LRP1: variants seen among roughly 807,000 people sequenced by gnomAD.
LRP1 encodes the protein LDL receptor related protein 1.
Under a neutral mutation model 541.5 loss-of-function variants are expected in LRP1, and 51 were observed. The observed-to-expected ratio is 0.09, with a 90% confidence interval of 0.08 to 0.12. LRP1 has a LOEUF of 0.12. LRP1 is among the 10% of genes least tolerant of loss of function. The pLI is 1.00. For missense variants in LRP1, 3,878 were observed against 6,376.2 expected, an observed-to-expected ratio of 0.61 and a Z score of 13.34; for synonymous variants, 2,219 against 2,470.8, an observed-to-expected ratio of 0.90 and a Z score of 3.02.
In LRP1 at chr12:57,173,829, G is replaced by A. The variant is rs1005759573; in HGVS notation, c.3396G>A (p.Glu1132=). The part of the protein sequence containing the change: ...AWVCDGDNDC[E]DNSDEENCES... ...TGTGTGATGGCGACAATGACTGTGA[G>A]GATAACTCGGACGAGGAGAACTGCG... The change falls in exon 22 of 89, where the codon GAG becomes GAA. Residue 1132 remains glutamate (E), a synonymous_variant. Coordinates refer to ENST00000243077, the MANE Select transcript of LRP1 (RefSeq NM_002332.3). This position sits in a 1 kb window ranked among gnomAD's most constrained non-coding sequence, Gnocchi z 4.7. 4.3e-6 allele frequency: 7 copies of A among 1,614,114 alleles called. No individual in the cohort carries two copies. Among genetic ancestry groups the A allele is most frequent in the Non-Finnish European group, 3.4e-6 (4 of 1,180,052 alleles).
chr12:57,207,224 G>C (rs914942874), intron 76 of LRP1, among the ~76,000 whole-genome samples: 1 of 151,000 alleles, frequency 6.6e-6, no homozygotes, highest in Non-Finnish European at 1.5e-5. Flanking sequence ...GCCTGGGCGA[G>C]AGAGTGAGAC....
chr12:57,203,050 C>A, intron 68 of LRP1, 131 bp from the exon 69 acceptor site: 1 of 685,078 alleles, frequency 1.5e-6, no homozygotes, highest in Non-Finnish European at 2.4e-6. Flanking sequence ...AGGACTGGCT[C>A]GGCCTCTGGG....
chr12:57,195,368 T>A lies in LRP1; in HGVS notation c.8406T>A (p.Asp2802Glu). The A allele has an allele frequency of 6.2e-7, 1 of 1,610,306 alleles. No individual in the cohort carries two copies. Among genetic ancestry groups the A allele is most frequent in the South Asian group, 1.1e-5 (1 of 91,086 alleles). Residue 2802 changes from aspartate (D) to glutamate (E), a missense_variant, in exon 52 of 89, where the codon GAT becomes GAA. Transcript: ENST00000243077. ...GTGACGGTGACAAAGACTGTGCTGATGGTGCAGACGAGAGCATCGCAGCTG... is the reference window on the plus strand; with the variant it reads ...GTGACGGTGACAAAGACTGTGCTGAAGGTGCAGACGAGAGCATCGCAGCTG... Reference protein sequence around the residue: ...WLCDGDKDCADGADESIAAGC... With the variant: ...WLCDGDKDCAEGADESIAAGC...
At chr12:57,149,109 TC>T in intron 6 of LRP1, 1 of 510,938 alleles carries the variant, frequency 2.0e-6, no homozygotes. Flanking sequence ...GGGTGCTACC[TC>T]CCCACTGTGC....
rs2035896680 is a variant in LRP1, at chr12:57,169,186, C to T, written c.3042C>T (p.Ser1014=). Residue 1014 remains serine (S), a synonymous_variant, in exon 20 of 89, where the codon TCC becomes TCT. Transcript: ENST00000243077. ...DNSDEAGCSH[S]CSSTQFKCNS... is the part of the protein sequence containing the mutation. ...GTGACGAAGCCGGCTGCAGCCACTC[C>T]TGTTCTAGCACCCAGTTCAAGTGCA... is the stretch of plus-strand genomic sequence containing the variant. The T allele has an allele frequency of 6.2e-7, 1 of 1,613,860 alleles. No homozygotes were observed. The highest frequency in any genetic ancestry group is 8.5e-7 in the Non-Finnish European group (1 of 1,179,812).
chr12:57,163,692 T>A (rs943069574), intron 15 of LRP1, among the ~76,000 whole-genome samples: 2 of 152,154 alleles, frequency 1.3e-5, no homozygotes, highest in Non-Finnish European at 2.9e-5. Context: ...AGCATTGTGG[T>A]AAAGTGAACA....
rs2035659017 is a variant in LRP1, at chr12:57,158,218, G to A, written c.1562-184G>A. Among the ~76,000 whole-genome samples, 1 of 152,162 alleles carries A rather than the reference G, an allele frequency of 6.6e-6. No homozygotes were observed. The highest frequency in any genetic ancestry group is 1.5e-5 in the Non-Finnish European group (1 of 68,022). On this transcript the variant is annotated intron_variant, in intron 10 of 88. Transcript: ENST00000243077. This position sits in a 1 kb window ranked among gnomAD's most constrained non-coding sequence, Gnocchi z 5.3. ...CAGAGGTCAGACCCCAGGGTATTGC[G>A]GCCAGGACCCATCGTCCTGTATGTT... is the stretch of plus-strand genomic sequence containing the variant.
chr12:57,167,822 C>A (rs897376836), intron 19 of LRP1, among the ~76,000 whole-genome samples: 1 of 152,206 alleles, frequency 6.6e-6, no homozygotes, highest in Non-Finnish European at 1.5e-5. Flanking sequence ...GCCAGAGAGG[C>A]AGAGCAAGGA....
chr12:57,140,190 A>G (rs2035259605), intron 2 of LRP1, among the ~76,000 whole-genome samples: 1 of 151,852 alleles, frequency 6.6e-6, no homozygotes, highest in Non-Finnish European at 1.5e-5. Flanking sequence ...TCCTCCTGAC[A>G]CAGCTTCCCA....
chr12:57,210,098 C>T lies in LRP1; in HGVS notation c.12509C>T (p.Thr4170Ile). Reference protein sequence around the residue: ...CLLSPSGPVCTCPNGKRLDNG... With the variant: ...CLLSPSGPVCICPNGKRLDNG... Reference sequence around the variant, plus strand: ...CTGAGCCCCAGTGGGCCTGTCTGCACCTGTCCCAATGGGAAGCGGCTGGAC... The same window carrying T: ...CTGAGCCCCAGTGGGCCTGTCTGCATCTGTCCCAATGGGAAGCGGCTGGAC... The change falls in exon 81 of 89, where the codon ACC becomes ATC. Residue 4170 changes from threonine to isoleucine, a missense_variant. Thr to Ile is a moderately conservative substitution (Grantham distance 89, BLOSUM62 -1). Around this residue, in one of 13 missense-constraint regions of LRP1, gnomAD observed 871 missense variants for 1,212.4 expected, o/e 0.72. Coordinates refer to ENST00000243077, the MANE Select transcript of LRP1 (RefSeq NM_002332.3). 3 of 1,613,756 alleles carry T rather than the reference C, an allele frequency of 1.9e-6. No homozygotes were observed. Among genetic ancestry groups the T allele is most frequent in the Non-Finnish European group, 2.5e-6 (3 of 1,179,856 alleles).
At chr12:57,182,976 G>A (rs1342062023) in intron 34 of LRP1, among the ~76,000 whole-genome samples, 1 of 152,232 alleles carries the variant, frequency 6.6e-6, no homozygotes, top group Non-Finnish European at 1.5e-5. Flanking sequence ...GAGGAAACTA[G>A]GATCAGGCTG....
chr12:57,184,170 G>A lies in LRP1; in HGVS notation c.6015G>A (p.Gln2005=). The change falls in exon 37 of 89, where the codon CAG becomes CAA. Residue 2005 remains glutamine (Q), a synonymous_variant. Transcript: ENST00000243077. This position sits in a 1 kb window ranked among gnomAD's most constrained non-coding sequence, Gnocchi z 7.8. ...CCTTCCGCTACGTGGTGATCTCCCA[G>A]GGTCTAGACAAGCCCCGGGCCATCA... is the stretch of plus-strand genomic sequence containing the variant. ...NGSFRYVVIS[Q]GLDKPRAITV... is the part of the protein sequence containing the mutation. 1 of 1,614,178 alleles carries A rather than the reference G, an allele frequency of 6.2e-7. No individual in the cohort carries two copies. The highest frequency in any genetic ancestry group is 1.3e-5 in the African/African-American group (1 of 75,048).
At chr12:57,193,814 T>C in intron 47 of LRP1, 85 bp from the exon 48 acceptor site, 1 of 1,592,156 alleles carries the variant, frequency 6.3e-7, no homozygotes, top group Non-Finnish European at 8.6e-7. Context: ...GGGCAGGTGC[T>C]GTGGGCCAGG....
chr12:57,156,852 G>A lies in LRP1; in HGVS notation c.1493G>A (p.Ser498Asn), dbSNP rs1268453843. 1 of 1,602,044 alleles carries A rather than the reference G, an allele frequency of 6.2e-7. No homozygotes were observed. The highest frequency in any genetic ancestry group is 8.5e-7 in the Non-Finnish European group (1 of 1,177,218). Reference sequence around the variant, plus strand: ...TCTGACATCTGCCTGCTGGCCAACAGCCACAAGGCGCGGACCTGCCGCTGC... The same window carrying A: ...TCTGACATCTGCCTGCTGGCCAACAACCACAAGGCGCGGACCTGCCGCTGC... ...GCSDICLLANSHKARTCRCRS... is the reference protein window; with the variant it reads ...GCSDICLLANNHKARTCRCRS... The change falls in exon 10 of 89, where the codon AGC (serine) becomes AAC (asparagine). Residue 498 changes from serine (S) to asparagine (N), a missense_variant. Ser to Asn is a conservative substitution (Grantham distance 46). This residue lies in a region of LRP1 where 496 missense variants were observed against 861.0 expected (regional missense o/e 0.58). Coordinates refer to ENST00000243077, the MANE Select transcript of LRP1 (RefSeq NM_002332.3). This position sits in a 1 kb window ranked among gnomAD's most constrained non-coding sequence, Gnocchi z 5.2.
Position 57,185,821 on chromosome 12 carries a change from C to T in LRP1, c.6754C>T (p.Pro2252Ser). ...CCGGGCAGGCACCTCTCCGGGCACCCCCAATCGCATCTTCTTCAGCGACAT... is the reference window on the plus strand; with the variant it reads ...CCGGGCAGGCACCTCTCCGGGCACCTCCAATCGCATCTTCTTCAGCGACAT... ...DYRAGTSPGT[P>S]NRIFFSDIHF... The change falls in exon 41 of 89, where the codon CCC becomes TCC. Residue 2252 changes from proline to serine, a missense_variant. This residue lies in a region of LRP1 where 1,100 missense variants were observed against 1,827.4 expected (regional missense o/e 0.60). Transcript: ENST00000243077. The surrounding 1 kb of genome is among the most constrained non-coding windows in gnomAD (Gnocchi z 4.9). 1.9e-6 allele frequency: 3 copies of T among 1,614,168 alleles called. No homozygotes were observed. Among genetic ancestry groups the T allele is most frequent in the Non-Finnish European group, 2.5e-6 (3 of 1,180,036 alleles).
chr12:57,183,572 G>GTGCCCTGAGGGTCCAGTGAGAGAGGC lies in LRP1; in HGVS notation c.5794+84_5794+85insAGGCTGCCCTGAGGGTCCAGTGAGAG, dbSNP rs2036209945. 5.1e-6 allele frequency: 8 copies of GTGCCCTGAGGGTCCAGTGAGAGAGGC among 1,561,188 alleles called. No individual in the cohort carries two copies. Among genetic ancestry groups the GTGCCCTGAGGGTCCAGTGAGAGAGGC allele is most frequent in the Non-Finnish European group, 7.0e-6 (8 of 1,150,066 alleles). On this transcript the variant is annotated intron_variant, in intron 35 of 88. Coordinates refer to ENST00000243077, the MANE Select transcript of LRP1 (RefSeq NM_002332.3). The surrounding 1 kb of genome is among the most constrained non-coding windows in gnomAD (Gnocchi z 6.1). ...GTAGGAGCTTTAGGGGTGGTGTGGT[G>GTGCCCTGAGGGTCCAGTGAGAGAGGC]TGCCCTGAGGGTCCAGTGAGAGGCT...
chr12:57,135,541 G>T (rs2035140855), intron 1 of LRP1, among the ~76,000 whole-genome samples: 1 of 152,206 alleles, frequency 6.6e-6, no homozygotes, highest in Non-Finnish European at 1.5e-5. Flanking sequence ...TCAAAGACAG[G>T]CCTCAGCCTT....
rs776588280 is a variant in LRP1, at chr12:57,212,080, A to G, written c.13350-37A>G. 1.1e-5 allele frequency: 18 copies of G among 1,613,112 alleles called. No homozygotes were observed. The highest frequency in any genetic ancestry group is 1.1e-4 in the East Asian group (5 of 44,862). On this transcript the variant is annotated intron_variant, in intron 87 of 88. Coordinates refer to ENST00000243077, the MANE Select transcript of LRP1 (RefSeq NM_002332.3). The surrounding 1 kb of genome is among the most constrained non-coding windows in gnomAD (Gnocchi z 5.0). ...TTTGCCATCCTAGCCTTCCCCCCCA[A>G]TAATCTCTGTCTCCTTATACTCCTG...
At chr12:57,135,067 CA>C (rs765316991) in intron 1 of LRP1, among the ~76,000 whole-genome samples, 1 of 152,186 alleles carries the variant, frequency 6.6e-6, no homozygotes, top group African/African-American at 2.4e-5. Context: ...GCTCAGTTAC[CA>C]GTCACCCTGT....
Sources: gnomAD v4.1 joint callset for allele counts (sites outside exome capture counted in the v4.1 genomes callset) on GRCh38, gnomAD v4.1.1 for gene constraint, gnomAD v4.1.1 regional missense constraint, Gnocchi (gnomAD v3.1) non-coding constraint, MANE v1.5 for transcripts, NCBI Gene and HGNC (gene_info 2026-07-23, HGNC 2026-07-21) for gene names.